Variants in CCDC141 observed in about 807,000 individuals in gnomAD.
The protein encoded by CCDC141 is coiled-coil domain containing 141, also known as coiled-coil domain-containing protein 141.
In CCDC141, 168 loss-of-function variants were observed where a neutral mutation model predicts 181.0. The observed-to-expected ratio is 0.93, with a 90% CI of 0.82 to 1.05. CCDC141 has a LOEUF of 1.05. CCDC141 is among the 50% of genes least tolerant of loss of function. CCDC141 has a pLI of 0.00. For missense variants in CCDC141, 1,902 were observed against 1,788.5 expected (o/e 1.06, Z -1.14); for synonymous variants, 666 against 642.3 (o/e 1.04, Z -0.56).
At chr2:178,858,195 T>C (rs146967837) in intron 17 of CCDC141, among the ~76,000 whole-genome samples, 1 of 152,266 alleles carries the variant, frequency 6.6e-6, no homozygotes, top group East Asian at 1.9e-4. Flanking sequence ...GCTTCAGAAT[T>C]TGAACATTAT....
At chr2:178,933,875 C>A (rs538615602) in intron 6 of CCDC141, among the ~76,000 whole-genome samples, 3 of 152,240 alleles carry the variant, frequency 2.0e-5, no homozygotes, top group African/African-American at 7.2e-5. Context: ...GTGTGCATAC[C>A]TTTTCTAAAA....
chr2:178,820,927 G>A, the CCDC141 span, among the ~76,000 whole-genome samples: 2 of 152,228 alleles, frequency 1.3e-5, no homozygotes, highest in African/African-American at 4.8e-5. Context: ...GGTTCCACAT[G>A]TTAAAGATGT....
intron 12 of CCDC141, chr2:178,873,012 A>G (rs1452039544): frequency 6.6e-6 from 1 of 152,212 alleles, no homozygotes; most frequent in African/African-American, 2.4e-5. Flanking sequence ...TGATAATAAG[A>G]GCAAAGAGTA....
Position 178,871,600 on chromosome 2 carries a change from CA to C in CCDC141, c.2080-49del, listed in dbSNP as rs754799304. 3.1e-6 allele frequency: 5 copies of C among 1,599,824 alleles called. No individual in the cohort carries two copies. In the South Asian group the frequency reaches 5.6e-5, roughly 18 times the overall value. On this transcript the variant is annotated intron_variant, in intron 13 of 23. Coordinates refer to ENST00000443758, the MANE Select transcript of CCDC141 (RefSeq NM_173648.4). ...ACACATGCATTTTCTTTGACATCTC[CA>C]GCAAATTTGATCATTCTAGGTATGA...
At chr2:178,928,835 C>T (rs1688999104) in intron 6 of CCDC141, among the ~76,000 whole-genome samples, 1 of 152,122 alleles carries the variant, frequency 6.6e-6, no homozygotes, top group South Asian at 2.1e-4. Context: ...AATTGAGCTG[C>T]AAATTAAGGC....
intron 8 of CCDC141, among the ~76,000 whole-genome samples, chr2:178,901,321 G>A (rs7602042): frequency 8.6e-5 from 13 of 151,912 alleles, no homozygotes; most frequent in East Asian, 3.9e-4. Context: ...AATTTTAGGC[G>A]AATATCCTTG....
intron 5 of CCDC141, among the ~76,000 whole-genome samples, chr2:178,951,757 C>T (rs1262930296): frequency 6.6e-6 from 1 of 152,140 alleles, no homozygotes; most frequent in Non-Finnish European, 1.5e-5. Flanking sequence ...CCACAGGCAG[C>T]CCCAGGGCTT....
intron 2 of CCDC141, among the ~76,000 whole-genome samples, chr2:178,979,814 C>A (rs1016828009): frequency 3.3e-5 from 5 of 152,068 alleles, no homozygotes; most frequent in Non-Finnish European, 7.4e-5. Context: ...GTAGATATAA[C>A]CAGTCTTACA....
chr2:178,910,605 G>A (rs1245133148), intron 7 of CCDC141, among the ~76,000 whole-genome samples: 2 of 152,152 alleles, frequency 1.3e-5, no homozygotes, highest in African/African-American at 4.8e-5. Flanking sequence ...CCCACTCTGG[G>A]GAACTGATTC....
intron 17 of CCDC141, among the ~76,000 whole-genome samples, chr2:178,863,855 TA>T (rs1685723309): frequency 6.6e-6 from 1 of 152,218 alleles, no homozygotes; most frequent in Non-Finnish European, 1.5e-5. Context: ...ACCTGATTCC[TA>T]AATCAAACCC....
chr2:178,838,468 C>T (rs1352647354), intron 22 of CCDC141, among the ~76,000 whole-genome samples: 2 of 152,196 alleles, frequency 1.3e-5, no homozygotes, highest in African/African-American at 4.8e-5. Flanking sequence ...ATGCATTTGA[C>T]CCCTCTATGT....
rs143804967 is a variant in CCDC141 at position 178,868,433 on chromosome 2, C to G, written c.2395-228G>C. ...TAAAGAAGGAAACAGTCTTTTTGGT[C>G]ATGACCCAAAACCTTAGCAAGATCT... On this transcript the variant is annotated intron_variant, in intron 15 of 23. Transcript: ENST00000443758. 2.6e-5 allele frequency among the ~76,000 whole-genome samples: 4 copies of G among 152,102 alleles called. No homozygotes were observed. In the East Asian group the frequency reaches 7.7e-4, roughly 29 times the overall value.
At chr2:178,949,369 AACAG>A (rs762863469) in intron 5 of CCDC141, among the ~76,000 whole-genome samples, 18 of 152,194 alleles carry the variant, frequency 1.2e-4, no homozygotes, top group Non-Finnish European at 2.4e-4. Context: ...TTGCCTTTTC[AACAG>A]ATGAGGTAAC....
intron 2 of CCDC141, among the ~76,000 whole-genome samples, chr2:178,996,561 C>A (rs567746790): frequency 4.6e-5 from 7 of 152,110 alleles, no homozygotes; most frequent in Non-Finnish European, 8.8e-5. Context: ...GCCTTTGGAA[C>A]CTGTTAGGCT....
At chr2:179,049,752 C>T (rs766806316) in intron 1 of CCDC141, 88 bp downstream of exon 1, 256 of 1,419,084 alleles carry the variant, frequency 1.8e-4, no homozygotes, top group Middle Eastern at 3.5e-4. Flanking sequence ...ATGCTGTGTC[C>T]TGCCGATTGC....
intron 6 of CCDC141, among the ~76,000 whole-genome samples, chr2:178,941,980 A>AAAAAAAAAAAAAAAAAAAAAAAG (rs1689539682): frequency 1.9e-5 from 1 of 51,488 alleles, no homozygotes; most frequent in Non-Finnish European, 7.1e-5. Context: ...AAAAAAAAAA[A>AAAAAAAAAAAAAAAAAAAAAAAG]AAAAAAAAAA....
chr2:179,032,563 G>T, intron 2 of CCDC141, among the ~76,000 whole-genome samples: 1 of 152,074 alleles, frequency 6.6e-6, no homozygotes, highest in Non-Finnish European at 1.5e-5. Flanking sequence ...GAATTCAACC[G>T]GGAAATACCA....
At chr2:179,000,945 G>A (rs960556654) in intron 2 of CCDC141, among the ~76,000 whole-genome samples, 2 of 152,114 alleles carry the variant, frequency 1.3e-5, no homozygotes, top group African/African-American at 2.4e-5. Flanking sequence ...TTCCTTGTGT[G>A]TAATGCAGTG....
chr2:178,871,543 T>A lies in CCDC141; in HGVS notation c.2089A>T (p.Asn697Tyr). The A allele has an allele frequency of 6.2e-7, 1 of 1,612,284 alleles. No individual in the cohort carries two copies. The highest frequency in any genetic ancestry group is 2.2e-5 in the East Asian group (1 of 44,862). The change falls in exon 14 of 24, where the codon AAC becomes TAC. Residue 697 changes from asparagine to tyrosine, a missense_variant. Physicochemically the swap from Asn to Tyr is moderately radical, Grantham distance 143 (BLOSUM62 -2). Transcript: ENST00000443758. ...AGTGCTTCCTGAAGAAGTTTTAAGT[T>A]GTGAGAAGTCTGAAATAAATATTGG... Reference protein sequence around the residue: ...FKEQLKKTSHNLKLLQEALMP... With the variant: ...FKEQLKKTSHYLKLLQEALMP...
Sources: gnomAD v4.1 joint callset for allele counts (sites outside exome capture counted in the v4.1 genomes callset) on GRCh38, gnomAD v4.1.1 for gene constraint, MANE v1.5 for transcripts, NCBI Gene and HGNC (gene_info 2026-07-23, HGNC 2026-07-21) for gene names.